Variants in MRPL18 observed in about 807,000 individuals in gnomAD.
The protein encoded by MRPL18 is large ribosomal subunit protein uL18m.
In MRPL18, 16 loss-of-function variants were observed where a neutral mutation model predicts 20.9. The observed-to-expected ratio is 0.76, with a 90% confidence interval of 0.52 to 1.16. The LOEUF (loss-of-function observed/expected upper bound fraction) is 1.16, where lower values mean the gene tolerates loss of function less well. Ranked by LOEUF, MRPL18 falls within the 50% of genes most tolerant of loss-of-function variation. MRPL18 has a pLI of 0.00. For missense variants in MRPL18, 233 were observed against 230.6 expected (o/e 1.01, Z -0.07); for synonymous variants, 91 against 87.1 (o/e 1.04, Z -0.25).
In MRPL18 at chr6:159,798,210, G is replaced by C. The variant is rs1781088905; in HGVS notation, c.*87G>C. The C allele has an allele frequency of 8.9e-7, 1 of 1,117,354 alleles. No individual in the cohort carries two copies. Among genetic ancestry groups the C allele is most frequent in the Non-Finnish European group, 1.3e-6 (1 of 763,510 alleles). The allele number at this position is 1,117,354 out of a possible 1,614,324, so 69.2% of individuals were successfully genotyped here. The stretch of plus-strand genomic sequence containing the variant: ...AAGAGAGCATCTGGAAGAACAGCCA[G>C]CTTGGAAGTTTTACAGCAATAATGT... On this transcript the variant is annotated 3_prime_UTR_variant, in exon 4 of 4. Transcript: ENST00000367034.
chr6:159,798,290 T>TA lies in MRPL18; in HGVS notation c.*170dup, dbSNP rs373035582. ...CATCCTCCTCCCCTTTCTGTTTTTT[T>TA]AAATCAAGAACTACGTTCTGCCCCT... On this transcript the variant is annotated 3_prime_UTR_variant, in exon 4 of 4. Coordinates refer to ENST00000367034, the MANE Select transcript of MRPL18 (RefSeq NM_014161.5). The TA allele has an allele frequency of 6.0e-5, 32 of 537,404 alleles. No individual in the cohort carries two copies. The African/African-American group carries it at 6.3e-4, about 11-fold the overall frequency. The allele number at this position is 537,404 out of a possible 1,614,324, so 33.3% of individuals were successfully genotyped here.
intron 1 of MRPL18, 45 bp from the exon 2 acceptor site, chr6:159,790,895 A>C: frequency 6.2e-7 from 1 of 1,609,146 alleles, no homozygotes; most frequent in Non-Finnish European, 8.5e-7. Context: ...TGCGCTGTCC[A>C]TATCCGTCAT....
chr6:159,791,853 T>C (rs1024733376), intron 2 of MRPL18, among the ~76,000 whole-genome samples: 3 of 151,974 alleles, frequency 2.0e-5, no homozygotes, highest in Non-Finnish European at 4.4e-5. Context: ...TGCAGTGAGC[T>C]GAGCGCCTGG....
intron 1 of MRPL18, 116 bp downstream of exon 1, chr6:159,790,755 C>T (rs748158563): frequency 1.4e-6 from 2 of 1,451,238 alleles, no homozygotes; most frequent in Non-Finnish European, 1.9e-6. Context: ...GCTCGCGGCA[C>T]TGCGAAGACC....
Position 159,796,235 on chromosome 6 carries a change from A to G in MRPL18, c.240-1052A>G, listed in dbSNP as rs139265350. Among the ~76,000 whole-genome samples the G allele has an allele frequency of 5.6e-3, 836 of 149,234 alleles. 9 individuals are homozygous for G. Among genetic ancestry groups the G allele is most frequent in the African/African-American group, 0.02 (807 of 40,392 alleles). ...GTGGCTCAGCCTGTAACCCCAGCACATTAGGAGGCTGAGGTGGGTAGACTG... is the reference window on the plus strand; with the variant it reads ...GTGGCTCAGCCTGTAACCCCAGCACGTTAGGAGGCTGAGGTGGGTAGACTG... On this transcript the variant is annotated intron_variant, in intron 2 of 3. Coordinates refer to ENST00000367034, the MANE Select transcript of MRPL18 (RefSeq NM_014161.5).
chr6:159,790,736 C>T lies in MRPL18; in HGVS notation c.52+97C>T, dbSNP rs1780858489. ...CTATTTTGTATTCGACGTGCCGGAT[C>T]GAAATAGAGCTCGCGGCACTGCGAA... is the stretch of plus-strand genomic sequence containing the variant. On this transcript the variant is annotated intron_variant, in intron 1 of 3. Coordinates refer to ENST00000367034, the MANE Select transcript of MRPL18 (RefSeq NM_014161.5). The T allele has an allele frequency of 1.3e-5, 20 of 1,525,114 alleles. No individual in the cohort carries two copies. In the South Asian group the frequency reaches 1.7e-4, roughly 13 times the overall value. 94.5% of individuals were successfully genotyped at this position (1,525,114 alleles called of 1,614,324 possible).
At chr6:159,796,781 C>T (rs1326577941) in intron 2 of MRPL18, among the ~76,000 whole-genome samples, 1 of 152,014 alleles carries the variant, frequency 6.6e-6, no homozygotes, top group Non-Finnish European at 1.5e-5. Flanking sequence ...GACCCTGTTT[C>T]TGAAAAATAA....
intron 2 of MRPL18, among the ~76,000 whole-genome samples, chr6:159,795,404 C>T (rs1040205801): frequency 1.4e-4 from 21 of 152,362 alleles, no homozygotes; most frequent in East Asian, 7.7e-4. Flanking sequence ...TGCGGCCTTC[C>T]GCAGTGTTTG....
chr6:159,793,323 G>A (rs1250376204), intron 2 of MRPL18, among the ~76,000 whole-genome samples: 2 of 152,068 alleles, frequency 1.3e-5, no homozygotes, highest in African/African-American at 4.8e-5. Context: ...ACTACGGCCC[G>A]TGGGCCAAAG....
chr6:159,790,323 C>T (rs1780834795), upstream of MRPL18: 2 of 595,424 alleles, frequency 3.4e-6, no homozygotes, highest in Admixed American at 4.9e-5. Context: ...TGGTCTTGGG[C>T]GTAGCTACGA....
intron 1 of MRPL18, 41 bp downstream of exon 1, chr6:159,790,680 G>T: frequency 6.2e-7 from 1 of 1,609,950 alleles, no homozygotes. Context: ...CACTCGCCTG[G>T]GCTTGCACAG....
intron 2 of MRPL18, among the ~76,000 whole-genome samples, chr6:159,796,324 A>G (rs566389969): frequency 5.3e-4 from 80 of 151,892 alleles, no homozygotes; most frequent in African/African-American, 1.8e-3. Context: ...ACAAAAAAAT[A>G]CAAAAATTAG....
chr6:159,790,541 C>A lies in MRPL18; in HGVS notation c.-47C>A, dbSNP rs768222993. On this transcript the variant is annotated 5_prime_UTR_variant, in exon 1 of 4. Coordinates refer to ENST00000367034, the MANE Select transcript of MRPL18 (RefSeq NM_014161.5). ...GGCTGCTCCTGGCGAGCGACTGAGT[C>A]GTCCGTGAGGAAAAAGAGGCGAGGC... 1 of 1,613,552 alleles carries A rather than the reference C, an allele frequency of 6.2e-7. No individual in the cohort carries two copies. The highest frequency in any genetic ancestry group is 1.1e-5 in the South Asian group (1 of 91,062).
chr6:159,790,753 C>A, intron 1 of MRPL18, 114 bp downstream of exon 1: 1 of 1,462,888 alleles, frequency 6.8e-7, no homozygotes, highest in Non-Finnish European at 9.4e-7. Flanking sequence ...GAGCTCGCGG[C>A]ACTGCGAAGA....
Position 159,790,653 on chromosome 6 carries a change from C to T in MRPL18, c.52+14C>T. Reference sequence around the variant, plus strand: ...GCAGGAACCCTGGTAATTAGTCTTGCCCCCCTTCTCCCAGCTCACTCGCCT... The same window carrying T: ...GCAGGAACCCTGGTAATTAGTCTTGTCCCCCTTCTCCCAGCTCACTCGCCT... On this transcript the variant is annotated intron_variant, in intron 1 of 3. Coordinates refer to ENST00000367034, the MANE Select transcript of MRPL18 (RefSeq NM_014161.5). 6.2e-7 allele frequency: 1 copy of T among 1,613,350 alleles called. No individual in the cohort carries two copies. The highest frequency in any genetic ancestry group is 2.2e-5 in the East Asian group (1 of 44,872).
intron 2 of MRPL18, among the ~76,000 whole-genome samples, chr6:159,794,759 T>C (rs895474354): frequency 6.6e-6 from 1 of 152,196 alleles, no homozygotes; most frequent in African/African-American, 2.4e-5. Context: ...TTGCCCCTCC[T>C]CACCTGTGGG....
At chr6:159,790,917 G>C in intron 1 of MRPL18, 23 bp from the exon 2 acceptor site, 1 of 1,613,480 alleles carries the variant, frequency 6.2e-7, no homozygotes, top group Non-Finnish European at 8.5e-7. Context: ...TTTAAGCCCT[G>C]TGCGGTTTTT....
intron 2 of MRPL18, 40 bp downstream of exon 2, chr6:159,791,166 C>T (rs758746996): frequency 1.2e-6 from 2 of 1,604,346 alleles, no homozygotes; most frequent in Non-Finnish European, 1.7e-6. Context: ...GCAGTGCACC[C>T]TACAGACTAT....
rs979673855 is a variant in MRPL18 at position 159,790,474 on chromosome 6, T to G, written c.-114T>G. The stretch of plus-strand genomic sequence containing the variant: ...TCGGTGGCGTCTGGCGTGGAGAGTT[T>G]GGGGATCTACAGCAGCCAAAGGCTT... On this transcript the variant is annotated 5_prime_UTR_variant, in exon 1 of 4. Coordinates refer to ENST00000367034, the MANE Select transcript of MRPL18 (RefSeq NM_014161.5). 2 of 1,418,208 alleles carry G rather than the reference T, an allele frequency of 1.4e-6. No homozygotes were observed. The highest frequency in any genetic ancestry group is 2.4e-5 in the South Asian group (2 of 84,226). The allele number at this position is 1,418,208 out of a possible 1,614,324, so 87.9% of individuals were successfully genotyped here. A position where few individuals can be genotyped will look rare whatever the true frequency, so the allele number is the denominator to read the frequency against.
Sources: gnomAD v4.1 joint callset for allele counts (sites outside exome capture counted in the v4.1 genomes callset) on GRCh38, gnomAD v4.1.1 for gene constraint, MANE v1.5 for transcripts, NCBI Gene and HGNC (gene_info 2026-07-23, HGNC 2026-07-21) for gene names.